Variants in RC3H1 observed in about 807,000 individuals in gnomAD.
RC3H1 encodes the protein roquin-1.
RC3H1 carries 50 observed loss-of-function variants against 138.2 expected under a neutral mutation model. The observed-to-expected ratio is 0.36, with a 90% confidence interval of 0.29 to 0.46. RC3H1 has a LOEUF of 0.46. Among genes scored for constraint, RC3H1 ranks in the 20% least tolerant of loss-of-function variants. The probability of loss-of-function intolerance (pLI) is 1.00; values close to 1 mark genes in which losing one functional copy is unlikely to be tolerated. For synonymous variants in RC3H1, 462 were observed against 489.1 expected (o/e 0.94, Z 0.73); for missense variants, 1,031 against 1,388.1 (o/e 0.74, Z 4.09).
At chr1:173,998,088 C>G (rs1385321908) in intron 1 of RC3H1, among the ~76,000 whole-genome samples, 2 of 152,168 alleles carry the variant, frequency 1.3e-5, no homozygotes, top group South Asian at 2.1e-4. Flanking sequence ...TATTAATATA[C>G]CAACATCCAG....
At chr1:173,986,332 G>T (rs978978803) in intron 2 of RC3H1, among the ~76,000 whole-genome samples, 5 of 151,514 alleles carry the variant, frequency 3.3e-5, no homozygotes, top group African/African-American at 1.2e-4. Flanking sequence ...CTCAGTTTCA[G>T]GATCCCATCC....
intron 8 of RC3H1, 116 bp from the exon 9 acceptor site, chr1:173,970,733 G>T: frequency 1.7e-6 from 1 of 605,538 alleles, no homozygotes; most frequent in Non-Finnish European, 2.8e-6. Flanking sequence ...TATTTATTTA[G>T]ATTACCAAGA....
Position 173,932,958 on chromosome 1 carries a change from C to T in RC3H1, c.*5763G>A, listed in dbSNP as rs1658443510. On this transcript the variant is annotated 3_prime_UTR_variant, in exon 20 of 20. Coordinates refer to ENST00000367696, the MANE Select transcript of RC3H1 (RefSeq NM_172071.4). ...CTGAGTGTACAACCTAAAATGGATG[C>T]CAAAGACTTGTGAGCTCTGTCTGCT... is the stretch of plus-strand genomic sequence containing the variant. 1 of 151,868 alleles carries T rather than the reference C, an allele frequency of 6.6e-6. No individual in the cohort carries two copies. 9.4% of individuals were successfully genotyped at this position (151,868 alleles called of 1,614,324 possible).
At chr1:174,005,282 C>T (rs1201344954) in intron 1 of RC3H1, among the ~76,000 whole-genome samples, 1 of 152,158 alleles carries the variant, frequency 6.6e-6, no homozygotes, top group African/African-American at 2.4e-5. Context: ...TGTAGCTACA[C>T]AAGTGGCCTC....
intron 13 of RC3H1, among the ~76,000 whole-genome samples, chr1:173,955,543 T>A (rs1372602459): frequency 6.6e-6 from 1 of 151,104 alleles, no homozygotes; most frequent in Non-Finnish European, 1.5e-5. Context: ...ATGGTCTTGA[T>A]CTCCTGACCT....
intron 12 of RC3H1, 126 bp downstream of exon 12, chr1:173,961,597 TAA>T (rs911260653): frequency 3.3e-6 from 3 of 897,612 alleles, no homozygotes; most frequent in Non-Finnish European, 4.8e-6. Flanking sequence ...TGAAAAGATT[TAA>T]AAAAAAAAGA....
rs1661352270 is a variant in RC3H1, at chr1:173,992,853, GT to G, written c.132del (p.Lys44AsnfsTer23). The G allele has an allele frequency of 6.2e-7, 1 of 1,614,078 alleles. No individual in the cohort carries two copies. The highest frequency in any genetic ancestry group is 8.5e-7 in the Non-Finnish European group (1 of 1,180,036). ...GHTVCKMCLN[K>X]LHRKACPFDQ... ...TCAAATGGGCAAGCCTTGCGGTGGA[GT>G]TTATTCAGGCACATCTTGCAGACAG... On this transcript the variant is annotated frameshift_variant, in exon 2 of 20. Transcript: ENST00000367696. LOFTEE classifies it high-confidence loss of function.
At chr1:173,996,679 G>A (rs75947951) in intron 1 of RC3H1, among the ~76,000 whole-genome samples, 74 of 152,164 alleles carry the variant, frequency 4.9e-4, no homozygotes, top group Middle Eastern at 3.4e-3. Flanking sequence ...ACCTACGTCC[G>A]GGCATAAAGA....
intron 7 of RC3H1, 43 bp downstream of exon 7, chr1:173,978,445 A>G: frequency 6.3e-7 from 1 of 1,593,446 alleles, no homozygotes; most frequent in Non-Finnish European, 8.6e-7. Flanking sequence ...GAGCAGCACG[A>G]AAGGCACATA....
rs1197658793 is a variant in RC3H1 at position 173,980,999 on chromosome 1, C to T, written c.779G>A (p.Arg260His). 2.5e-6 allele frequency: 4 copies of T among 1,613,498 alleles called. No individual in the cohort carries two copies. Among genetic ancestry groups the T allele is most frequent in the African/African-American group, 2.7e-5 (2 of 74,912 alleles). ...CTGCATCAAAGAAGAGTCTTCATCA[C>T]GTTTGGTGACCTAATAAGACACAAA... ...YRASCFKVTK[R>H]DEDSSLMQLK... is the part of the protein sequence containing the mutation. The change falls in exon 6 of 20, where the codon CGT becomes CAT. Residue 260 changes from arginine (R) to histidine (H), a missense_variant. By Grantham distance (29) the Arg-to-His change is conservative (BLOSUM62 0). Coordinates refer to ENST00000367696, the MANE Select transcript of RC3H1 (RefSeq NM_172071.4).
At chr1:173,949,717 A>C (rs1442725678) in intron 14 of RC3H1, among the ~76,000 whole-genome samples, 1 of 151,986 alleles carries the variant, frequency 6.6e-6, no homozygotes, top group Non-Finnish European at 1.5e-5. Flanking sequence ...AGACATACAT[A>C]AGAATGTTTG....
chr1:173,952,209 G>T, intron 13 of RC3H1, 71 bp from the exon 14 acceptor site: 1 of 1,113,336 alleles, frequency 9.0e-7, no homozygotes, highest in South Asian at 2.1e-5. Context: ...ATGGGTCTAT[G>T]AGTAACAAGA....
At position 173,935,722 on chromosome 1, in the gene RC3H1, A is replaced by T. The variant is rs1658554502; in HGVS notation, c.*2999T>A. On this transcript the variant is annotated 3_prime_UTR_variant, in exon 20 of 20. Coordinates refer to ENST00000367696, the MANE Select transcript of RC3H1 (RefSeq NM_172071.4). Reference sequence around the variant, plus strand: ...AGAGAAAAGGAAAAGGAAAAAAAGCAAAAAACAAAAAACAAATTTTGGGGG... The same window carrying T: ...AGAGAAAAGGAAAAGGAAAAAAAGCTAAAAACAAAAAACAAATTTTGGGGG... 6.6e-6 allele frequency: 1 copy of T among 152,232 alleles called. No individual in the cohort carries two copies. Among genetic ancestry groups the T allele is most frequent in the African/African-American group, 2.4e-5 (1 of 41,458 alleles). 9.4% of individuals were successfully genotyped at this position (152,232 alleles called of 1,614,324 possible). A position where few individuals can be genotyped will look rare whatever the true frequency, so the allele number is the denominator to read the frequency against.
Position 173,946,625 on chromosome 1 carries a change from A to C in RC3H1, c.2829-17T>G. ...ATTCTCTCCCTTTGGTTAGAAAGAAAGTGTGAATCAAATTTTAACATTTCA... is the reference window on the plus strand; with the variant it reads ...ATTCTCTCCCTTTGGTTAGAAAGAACGTGTGAATCAAATTTTAACATTTCA... On this transcript the variant is annotated splice_polypyrimidine_tract_variant and intron_variant, in intron 16 of 19. Coordinates refer to ENST00000367696, the MANE Select transcript of RC3H1 (RefSeq NM_172071.4). 6.2e-7 allele frequency: 1 copy of C among 1,611,970 alleles called. No individual in the cohort carries two copies.
At chr1:174,000,432 A>G (rs913734766) in intron 1 of RC3H1, among the ~76,000 whole-genome samples, 1 of 152,198 alleles carries the variant, frequency 6.6e-6, no homozygotes, top group Non-Finnish European at 1.5e-5. Context: ...AGGCATTACT[A>G]TGCCCATTTT....
chr1:173,951,840 G>T, intron 14 of RC3H1, 146 bp downstream of exon 14: 1 of 563,660 alleles, frequency 1.8e-6, no homozygotes, highest in Non-Finnish European at 2.8e-6. Flanking sequence ...AACCTATACT[G>T]TTTAAAGATA....
chr1:173,934,741 G>A lies in RC3H1; in HGVS notation c.*3980C>T, dbSNP rs78650967. ...CGAATTCATTTGAATGCTCTGTTTT[G>A]AGGCAGCAAACTGTCACTGTTGCAG... On this transcript the variant is annotated 3_prime_UTR_variant, in exon 20 of 20. Transcript: ENST00000367696. 4 of 152,244 alleles carry A rather than the reference G, an allele frequency of 2.6e-5. No individual in the cohort carries two copies. In the East Asian group the frequency reaches 5.8e-4, roughly 22 times the overall value. The allele number at this position is 152,244 out of a possible 1,614,324, so 9.4% of individuals were successfully genotyped here. A position where few individuals can be genotyped will look rare whatever the true frequency, so the allele number is the denominator to read the frequency against.
At chr1:174,006,636 A>C (rs923151752) in intron 1 of RC3H1, among the ~76,000 whole-genome samples, 2 of 152,244 alleles carry the variant, frequency 1.3e-5, no homozygotes, top group African/African-American at 4.8e-5. Context: ...AAAGATATAA[A>C]TTAAATGATG....
At chr1:173,985,464 C>CT (rs1257332863) in intron 2 of RC3H1, among the ~76,000 whole-genome samples, 1 of 90,082 alleles carries the variant, frequency 1.1e-5, no homozygotes, top group Non-Finnish European at 1.9e-5. Flanking sequence ...TACTCATTAT[C>CT]TTTTTTTATT....
Sources: allele counts gnomAD v4.1 joint callset (sites outside exome capture counted in the v4.1 genomes callset), GRCh38; gene constraint gnomAD v4.1.1; transcripts MANE v1.5; gene names NCBI Gene and HGNC (gene_info 2026-07-23, HGNC 2026-07-21).